The following NCAM1 variants were observed in gnomAD, a reference collection of about 807,000 sequenced individuals.
NCAM1 encodes antigen recognized by monoclonal antibody 5.1H11.
NCAM1 carries 14 observed loss-of-function variants against 109.8 expected under a neutral mutation model. The observed-to-expected ratio is 0.13, with a 90% CI of 0.08 to 0.20. NCAM1 has a LOEUF of 0.20. NCAM1 is among the 10% of genes least tolerant of loss of function. NCAM1 has a pLI of 1.00. For synonymous variants in NCAM1, 418 were observed against 442.9 expected, an observed-to-expected ratio of 0.94 and a Z score of 0.70; for missense variants, 774 against 1,109.9, an observed-to-expected ratio of 0.70 and a Z score of 4.30.
At chr11:113,243,489 G>A in intron 14 of NCAM1, 1 of 494,688 alleles carries the variant, frequency 2.0e-6, no homozygotes, top group East Asian at 5.6e-5. Context: ...AGATGAAAGT[G>A]CTGGAATTTA....
intron 1 of NCAM1, among the ~76,000 whole-genome samples, chr11:113,094,405 C>T (rs1244580576): frequency 3.9e-5 from 6 of 152,182 alleles, no homozygotes; most frequent in African/African-American, 9.6e-5. Context: ...TGTACACCTT[C>T]ACATAGCTGG....
At chr11:113,217,349 G>C (rs929387038) in intron 8 of NCAM1, among the ~76,000 whole-genome samples, 1 of 152,156 alleles carries the variant, frequency 6.6e-6, no homozygotes, top group African/African-American at 2.4e-5. Flanking sequence ...TCCTTTGCAT[G>C]AGAGACATTA....
chr11:113,053,214 A>G (rs1953572755), intron 1 of NCAM1, among the ~76,000 whole-genome samples: 1 of 152,128 alleles, frequency 6.6e-6, no homozygotes, highest in African/African-American at 2.4e-5. Context: ...AGCTCCATTC[A>G]TGTTCCTGCA....
chr11:113,236,323 C>T, intron 14 of NCAM1: 2 of 1,612,190 alleles, frequency 1.2e-6, no homozygotes, highest in Non-Finnish European at 1.7e-6. Context: ...CACGTAAGTG[C>T]CTCTTCATAC....
intron 1 of NCAM1, among the ~76,000 whole-genome samples, chr11:113,006,800 G>A (rs1390451957): frequency 2.6e-5 from 4 of 152,192 alleles, no homozygotes; most frequent in East Asian, 1.9e-4. Flanking sequence ...GATTCCAGCC[G>A]TGGGACAGGT....
At chr11:113,030,931 T>C (rs1555078238) in intron 1 of NCAM1, among the ~76,000 whole-genome samples, 1 of 152,216 alleles carries the variant, frequency 6.6e-6, no homozygotes, top group African/African-American at 2.4e-5. Flanking sequence ...CCTTTTAACA[T>C]ACATCATCTC....
chr11:113,119,739 T>C (rs1382569092), intron 1 of NCAM1, among the ~76,000 whole-genome samples: 1 of 152,158 alleles, frequency 6.6e-6, no homozygotes, highest in African/African-American at 2.4e-5. Context: ...GTTAGCTAAA[T>C]GTCAATGGGT....
chr11:113,090,655 C>T (rs1555089210), intron 1 of NCAM1, among the ~76,000 whole-genome samples: 1 of 152,056 alleles, frequency 6.6e-6, no homozygotes, highest in Non-Finnish European at 1.5e-5. Flanking sequence ...CCTAATAGCC[C>T]AAGTATGCTA....
At chr11:113,012,053 C>T (rs1469019691) in intron 1 of NCAM1, among the ~76,000 whole-genome samples, 2 of 147,100 alleles carry the variant, frequency 1.4e-5, no homozygotes, top group Non-Finnish European at 3.0e-5. Context: ...GACAGATTCT[C>T]CGTCTCCCAG....
At chr11:113,189,449 CA>C (rs10712434) in intron 1 of NCAM1, among the ~76,000 whole-genome samples, 86,594 of 117,716 alleles carry the variant, frequency 0.74, 31,913 homozygotes, top group Middle Eastern at 0.89. Flanking sequence ...GATTCTGTCT[CA>C]AAAAAAAAAA....
In NCAM1 at chr11:113,050,588, A is replaced by T. The variant is rs191390885; in HGVS notation, c.52+88924A>T. On this transcript the variant is annotated intron_variant, in intron 1 of 19. Coordinates refer to ENST00000316851, the MANE Select transcript of NCAM1 (RefSeq NM_181351.5). Reference sequence around the variant, plus strand: ...GCTGTTTTGGTTACTATAGCCTTGTAGTGTAGTTTGGAGTTAGGTAGTATG... The same window carrying T: ...GCTGTTTTGGTTACTATAGCCTTGTTGTGTAGTTTGGAGTTAGGTAGTATG... Among the ~76,000 whole-genome samples the T allele has an allele frequency of 1.2e-4, 19 of 152,188 alleles. No individual in the cohort carries two copies. In the South Asian group the frequency reaches 1.9e-3, roughly 15 times the overall value.
intron 1 of NCAM1, among the ~76,000 whole-genome samples, chr11:113,198,840 C>T (rs1219959823): frequency 3.3e-5 from 5 of 152,052 alleles, no homozygotes; most frequent in African/African-American, 1.2e-4. Flanking sequence ...ACTAAGGGAC[C>T]CTGAGCAAGT....
At chr11:113,004,012 G>T (rs955985085) in intron 1 of NCAM1, among the ~76,000 whole-genome samples, 2 of 149,036 alleles carry the variant, frequency 1.3e-5, no homozygotes, top group East Asian at 3.9e-4. Flanking sequence ...TTGTGAATAC[G>T]TCAGGGAGAG....
chr11:113,269,553 G>A (rs1298494907), intron 17 of NCAM1: 3 of 153,492 alleles, frequency 2.0e-5, no homozygotes, highest in African/African-American at 7.2e-5. Flanking sequence ...CATGTCTCTG[G>A]AGTCACCCAG....
chr11:113,077,755 C>T (rs945263560), intron 1 of NCAM1, among the ~76,000 whole-genome samples: 8 of 151,438 alleles, frequency 5.3e-5, no homozygotes, highest in Non-Finnish European at 8.8e-5. Context: ...GGCGCGATCT[C>T]GGCTCGCTGT....
intron 1 of NCAM1, among the ~76,000 whole-genome samples, chr11:113,031,584 C>T (rs781958379): frequency 6.6e-6 from 1 of 151,722 alleles, no homozygotes; most frequent in East Asian, 1.9e-4. Context: ...CCCAGCTACT[C>T]GGGAGGCTGA....
chr11:113,021,253 A>C (rs1952376399), intron 1 of NCAM1, among the ~76,000 whole-genome samples: 1 of 152,230 alleles, frequency 6.6e-6, no homozygotes, highest in African/African-American at 2.4e-5. Context: ...AAGGATCATG[A>C]GTTAGCATGC....
At chr11:113,030,346 G>C (rs1952677366) in intron 1 of NCAM1, among the ~76,000 whole-genome samples, 2 of 152,158 alleles carry the variant, frequency 1.3e-5, no homozygotes, top group South Asian at 4.1e-4. Context: ...TTCCAGACTT[G>C]TATTGGGGTG....
At chr11:113,064,044 G>C (rs2135508471) in intron 1 of NCAM1, among the ~76,000 whole-genome samples, 1 of 152,286 alleles carries the variant, frequency 6.6e-6, no homozygotes, top group East Asian at 1.9e-4. Flanking sequence ...TATCTATATG[G>C]ACAGGTTTTA....
Sources: allele counts gnomAD v4.1 joint callset (sites outside exome capture counted in the v4.1 genomes callset), GRCh38; gene constraint gnomAD v4.1.1; transcripts MANE v1.5; gene names NCBI Gene and HGNC (gene_info 2026-07-23, HGNC 2026-07-21).